DDX10: variants seen among roughly 807,000 people sequenced by gnomAD.
DDX10 encodes the protein DEAD-box helicase 10.
In DDX10, 74 loss-of-function variants were observed where a neutral mutation model predicts 104.3. The ratio of observed to expected loss-of-function variants is 0.71; its 90% CI spans 0.59 to 0.86. The LOEUF (loss-of-function observed/expected upper bound fraction) is 0.86, where lower values mean the gene tolerates loss of function less well. DDX10 is among the 40% of genes least tolerant of loss of function. DDX10 has a pLI of 0.00. For missense variants in DDX10, 952 were observed against 1,040.0 expected, an observed-to-expected ratio of 0.92 and a Z score of 1.16; for synonymous variants, 351 against 353.4, an observed-to-expected ratio of 0.99 and a Z score of 0.08.
At chr11:108,736,176 T>A (rs1369105393) in intron 13 of DDX10, among the ~76,000 whole-genome samples, 1 of 151,700 alleles carries the variant, frequency 6.6e-6, no homozygotes, top group East Asian at 1.9e-4. Flanking sequence ...TTTTTTAACC[T>A]TTTTGCTTCT....
intron 13 of DDX10, among the ~76,000 whole-genome samples, chr11:108,833,307 T>C (rs1355410451): frequency 2.0e-5 from 3 of 152,252 alleles, no homozygotes; most frequent in Non-Finnish European, 4.4e-5. Flanking sequence ...ATATATATAA[T>C]TAATGTTTTG....
In DDX10 at chr11:108,929,071, C is replaced by T. The variant is rs138583174; in HGVS notation, c.2450+11053C>T. 3.1e-3 allele frequency among the ~76,000 whole-genome samples: 469 copies of T among 152,310 alleles called. 5 individuals are homozygous for T. The highest frequency in any genetic ancestry group is 0.011 in the African/African-American group (451 of 41,562). ...TACCAAATTGGAGTGTAGGAATGCC[C>T]TTACCTGTCTGTTTTCCTTTGACAG... On this transcript the variant is annotated intron_variant, in intron 17 of 17. Transcript: ENST00000322536.
chr11:108,873,356 T>C (rs1863107617), intron 16 of DDX10, among the ~76,000 whole-genome samples: 1 of 152,138 alleles, frequency 6.6e-6, no homozygotes, highest in Non-Finnish European at 1.5e-5. Context: ...GGAACAAAAG[T>C]TACAATCTAT....
chr11:108,840,136 T>A (rs1591832249), intron 14 of DDX10, among the ~76,000 whole-genome samples: 3 of 152,160 alleles, frequency 2.0e-5, no homozygotes, highest in African/African-American at 7.2e-5. Context: ...AGTAACATGA[T>A]ATTCATATTG....
intron 16 of DDX10, among the ~76,000 whole-genome samples, chr11:108,908,800 G>A (rs1430592058): frequency 2.0e-5 from 3 of 152,094 alleles, no homozygotes; most frequent in Non-Finnish European, 4.4e-5. Flanking sequence ...CATATTTTAG[G>A]GTGTTACTGT....
In DDX10 at chr11:108,878,688, C is replaced by T. The variant is rs77742219; in HGVS notation, c.2304+26479C>T. Among the ~76,000 whole-genome samples the T allele has an allele frequency of 4.0e-3, 604 of 152,152 alleles. 1 individual carries two copies. Among genetic ancestry groups the T allele is most frequent in the African/African-American group, 0.014 (583 of 41,498 alleles). On this transcript the variant is annotated intron_variant, in intron 16 of 17. Coordinates refer to ENST00000322536, the MANE Select transcript of DDX10 (RefSeq NM_004398.4). The stretch of plus-strand genomic sequence containing the variant: ...ATATTAAAGACTTCTTAGATTTATT[C>T]CAGCATGAACTGCTGTGGTGAATAC...
intron 16 of DDX10, among the ~76,000 whole-genome samples, chr11:108,893,108 A>G (rs1863397659): frequency 6.6e-6 from 1 of 152,186 alleles, no homozygotes; most frequent in Admixed American, 6.5e-5. Context: ...CTACTGACAT[A>G]TAGCAGATGA....
chr11:108,777,831 G>A (rs998211949), intron 13 of DDX10, among the ~76,000 whole-genome samples: 4 of 152,162 alleles, frequency 2.6e-5, no homozygotes, highest in Admixed American at 6.5e-5. Context: ...AAGCTGATAA[G>A]CAACTTCAGG....
At chr11:108,795,323 A>G (rs1233289539) in intron 13 of DDX10, among the ~76,000 whole-genome samples, 1 of 128,016 alleles carries the variant, frequency 7.8e-6, no homozygotes, top group African/African-American at 2.9e-5. Context: ...TTATTTTATT[A>G]TACTTTAAGT....
At chr11:108,859,721 T>C (rs1475680695) in intron 16 of DDX10, among the ~76,000 whole-genome samples, 1 of 152,220 alleles carries the variant, frequency 6.6e-6, no homozygotes, top group Non-Finnish European at 1.5e-5. Context: ...ATTTGAATCA[T>C]TGTGGTCAGT....
chr11:108,841,189 A>C, intron 14 of DDX10, 126 bp from the exon 15 acceptor site: 1 of 736,406 alleles, frequency 1.4e-6, no homozygotes, highest in South Asian at 2.0e-5. Flanking sequence ...AAGATTAAAT[A>C]ATACAGATTA....
chr11:108,738,611 G>A (rs1337977100), intron 13 of DDX10, among the ~76,000 whole-genome samples: 1 of 152,018 alleles, frequency 6.6e-6, no homozygotes, highest in African/African-American at 2.4e-5. Context: ...ACATGATTAG[G>A]TATGGCATAC....
intron 6 of DDX10, among the ~76,000 whole-genome samples, chr11:108,686,596 A>G (rs1260430073): frequency 6.6e-6 from 1 of 152,224 alleles, no homozygotes; most frequent in Non-Finnish European, 1.5e-5. Flanking sequence ...AGCACTGAAT[A>G]ATATTCCATT....
chr11:108,782,876 G>T (rs1273776299), intron 13 of DDX10, among the ~76,000 whole-genome samples: 1 of 152,128 alleles, frequency 6.6e-6, no homozygotes, highest in East Asian at 1.9e-4. Flanking sequence ...ATCAAGTTAG[G>T]CTTGACAGGT....
At chr11:108,787,458 C>G (rs887413854) in intron 13 of DDX10, among the ~76,000 whole-genome samples, 2 of 151,994 alleles carry the variant, frequency 1.3e-5, no homozygotes, top group Admixed American at 6.6e-5. Context: ...TACACTCTCT[C>G]CTTCTCTCTC....
intron 17 of DDX10, among the ~76,000 whole-genome samples, chr11:108,938,301 CTATTGTGAAAATACT>C (rs562553830): frequency 6.6e-6 from 1 of 152,322 alleles, no homozygotes; most frequent in South Asian, 2.1e-4. Context: ...GCAAAGCTGC[CTATTGTGAAAATACT>C]TGGACTACAT....
intron 13 of DDX10, among the ~76,000 whole-genome samples, chr11:108,816,277 C>T (rs1003443401): frequency 2.0e-5 from 3 of 152,190 alleles, no homozygotes; most frequent in African/African-American, 7.2e-5. Flanking sequence ...CTTTAAAACT[C>T]ATATGCTAAT....
intron 13 of DDX10, among the ~76,000 whole-genome samples, chr11:108,814,187 G>A (rs890688630): frequency 1.3e-5 from 2 of 152,080 alleles, no homozygotes; most frequent in Non-Finnish European, 2.9e-5. Context: ...TACTCAGATG[G>A]CATAGACATA....
At chr11:108,749,474 A>G (rs1344537937) in intron 13 of DDX10, among the ~76,000 whole-genome samples, 2 of 152,190 alleles carry the variant, frequency 1.3e-5, no homozygotes, top group African/African-American at 4.8e-5. Context: ...TTAAAGGTCA[A>G]GGAGCTGATC....
Sources: allele counts gnomAD v4.1 joint callset (sites outside exome capture counted in the v4.1 genomes callset), GRCh38; gene constraint gnomAD v4.1.1; transcripts MANE v1.5; gene names NCBI Gene and HGNC (gene_info 2026-07-23, HGNC 2026-07-21).